TNIK: variants seen among roughly 807,000 people sequenced by gnomAD.
TNIK encodes the protein TRAF2 and NCK interacting kinase, also known as TRAF2 and NCK-interacting protein kinase.
In TNIK, 49 loss-of-function variants were observed where a neutral mutation model predicts 191.3. The ratio of observed to expected loss-of-function variants is 0.26; its 90% CI spans 0.20 to 0.32. The LOEUF (loss-of-function observed/expected upper bound fraction) is 0.32, where lower values mean the gene tolerates loss of function less well. Ranked by LOEUF, TNIK falls within the 10% of genes least tolerant of loss-of-function variation. The pLI, the probability that TNIK is intolerant of heterozygous loss-of-function variation, is 1.00. For synonymous variants in TNIK, 594 were observed against 600.9 expected (o/e 0.99, Z 0.17); for missense variants, 1,155 against 1,702.3 (o/e 0.68, Z 5.66).
At chr3:171,397,092 G>T (rs921357502) in intron 1 of TNIK, among the ~76,000 whole-genome samples, 2 of 152,204 alleles carry the variant, frequency 1.3e-5, no homozygotes, top group Non-Finnish European at 2.9e-5. Flanking sequence ...TTAAGGAGCA[G>T]AAGCTTCATC....
At chr3:171,180,891 T>C (rs1736570611) in intron 7 of TNIK, among the ~76,000 whole-genome samples, 1 of 152,250 alleles carries the variant, frequency 6.6e-6, no homozygotes, top group South Asian at 2.1e-4. Flanking sequence ...CATAGGTGAC[T>C]GAAGGTGCTG....
intron 1 of TNIK, among the ~76,000 whole-genome samples, chr3:171,402,519 C>T (rs1027153005): frequency 6.6e-6 from 1 of 152,154 alleles, no homozygotes; most frequent in African/African-American, 2.4e-5. Flanking sequence ...TTTCCAAAAC[C>T]AAGGGAAATA....
chr3:171,169,421 C>A (rs975648063), intron 9 of TNIK, among the ~76,000 whole-genome samples: 5 of 152,038 alleles, frequency 3.3e-5, no homozygotes, highest in African/African-American at 9.7e-5. Context: ...GTGTATGACA[C>A]CACACCTGGA....
chr3:171,230,813 C>T (rs1276455594), intron 2 of TNIK, among the ~76,000 whole-genome samples: 1 of 152,150 alleles, frequency 6.6e-6, no homozygotes, highest in African/African-American at 2.4e-5. Context: ...TAATATCCCT[C>T]TCTCCCTCTC....
chr3:171,059,038 T>C lies in TNIK; in HGVS notation c.*4843A>G, dbSNP rs975908780. Among the ~76,000 whole-genome samples, 3 of 152,154 alleles carry C rather than the reference T, an allele frequency of 2.0e-5. No individual in the cohort carries two copies. The highest frequency in any genetic ancestry group is 7.2e-5 in the African/African-American group (3 of 41,436). Reference sequence around the variant, plus strand: ...GATATTTACAGTGTACAAATAATGATCCATTGCCAGAAATGAAAACTCACC... The same window carrying C: ...GATATTTACAGTGTACAAATAATGACCCATTGCCAGAAATGAAAACTCACC... On this transcript the variant is annotated 3_prime_UTR_variant, in exon 33 of 33. Transcript: ENST00000436636.
chr3:171,309,980 C>T (rs979284923), intron 2 of TNIK, among the ~76,000 whole-genome samples: 3 of 152,110 alleles, frequency 2.0e-5, no homozygotes, highest in Admixed American at 6.6e-5. Flanking sequence ...AATCCTTTTT[C>T]TGAAATCCCA....
At chr3:171,113,280 G>A (rs1225209734) in intron 18 of TNIK, among the ~76,000 whole-genome samples, 1 of 151,608 alleles carries the variant, frequency 6.6e-6, no homozygotes, top group Non-Finnish European at 1.5e-5. Context: ...GGCTATTACC[G>A]ACGGGTAGAC....
At chr3:171,348,245 G>A (rs1406192196) in intron 2 of TNIK, among the ~76,000 whole-genome samples, 1 of 152,150 alleles carries the variant, frequency 6.6e-6, no homozygotes, top group African/African-American at 2.4e-5. Flanking sequence ...TATTACAGCA[G>A]CAGGAAACCA....
intron 27 of TNIK, 115 bp from the exon 28 acceptor site, chr3:171,079,767 A>G: frequency 8.1e-7 from 1 of 1,227,672 alleles, no homozygotes; most frequent in Non-Finnish European, 1.1e-6. Flanking sequence ...GTGTGTATGA[A>G]GGCATAATAA....
chr3:171,196,525 A>G (rs1358927838), intron 4 of TNIK, among the ~76,000 whole-genome samples: 1 of 152,194 alleles, frequency 6.6e-6, no homozygotes, highest in African/African-American at 2.4e-5. Context: ...GATACAATCA[A>G]CAAAATCTAG....
At chr3:171,227,589 C>T (rs1385599787) in intron 3 of TNIK, among the ~76,000 whole-genome samples, 2 of 152,122 alleles carry the variant, frequency 1.3e-5, no homozygotes, top group African/African-American at 4.8e-5. Flanking sequence ...CTACATAAGG[C>T]AGTGTGTAGG....
At chr3:171,420,672 C>T (rs1205303960) in intron 1 of TNIK, among the ~76,000 whole-genome samples, 2 of 152,120 alleles carry the variant, frequency 1.3e-5, no homozygotes, top group African/African-American at 4.8e-5. Flanking sequence ...GTAGCAATAA[C>T]TAATAATAAA....
intron 5 of TNIK, among the ~76,000 whole-genome samples, chr3:171,191,905 T>G (rs575564882): frequency 6.6e-6 from 1 of 152,326 alleles, no homozygotes; most frequent in South Asian, 2.1e-4. Context: ...AGCAAATTAT[T>G]TTATGCTAAC....
In TNIK at chr3:171,101,667, G is replaced by A. The variant is rs770718080; in HGVS notation, c.2407-34C>T. 6 of 1,601,150 alleles carry A rather than the reference G, an allele frequency of 3.7e-6. No individual in the cohort carries two copies. In the South Asian group the frequency reaches 5.6e-5, roughly 15 times the overall value. ...GAAAAATTTGTTCAGCATATGAGTG[G>A]TAGATACGACCAAAGCTACATCTCT... On this transcript the variant is annotated intron_variant, in intron 21 of 32. Coordinates refer to ENST00000436636, the MANE Select transcript of TNIK (RefSeq NM_015028.4).
chr3:171,200,114 A>G (rs995750919), intron 4 of TNIK, among the ~76,000 whole-genome samples: 16 of 152,218 alleles, frequency 1.1e-4, no homozygotes, highest in African/African-American at 3.6e-4. Context: ...TTCCAGGGCA[A>G]TGGATCTTTT....
chr3:171,081,836 T>TA, intron 27 of TNIK, among the ~76,000 whole-genome samples: 1 of 152,156 alleles, frequency 6.6e-6, no homozygotes, highest in East Asian at 1.9e-4. Context: ...ATCAGTGGGC[T>TA]ATAAGCAAGA....
chr3:171,253,644 C>A lies in TNIK; in HGVS notation c.124-25423G>T, dbSNP rs539780184. Among the ~76,000 whole-genome samples, 4 of 123,372 alleles carry A rather than the reference C, an allele frequency of 3.2e-5. No individual in the cohort carries two copies. In the East Asian group the frequency reaches 1.1e-3, roughly 35 times the overall value. The allele number at this position is 123,372 out of a possible 152,430, so 80.9% of individuals were successfully genotyped here. ...AAATGTCACGGCTAGGAAGTTTAGG[C>A]TGCATGGACCATCAAGACCCTACAA... On this transcript the variant is annotated intron_variant, in intron 2 of 32. Transcript: ENST00000436636.
chr3:171,350,094 G>A (rs1400208754), intron 2 of TNIK, among the ~76,000 whole-genome samples: 1 of 152,104 alleles, frequency 6.6e-6, no homozygotes, highest in Admixed American at 6.5e-5. Flanking sequence ...TTTTGAGGAG[G>A]GTGAATGAGA....
In TNIK at chr3:171,201,797, G is replaced by A. The variant is rs950047518; in HGVS notation, c.307-7162C>T. Among the ~76,000 whole-genome samples, 8 of 151,736 alleles carry A rather than the reference G, an allele frequency of 5.3e-5. No individual in the cohort carries two copies. The East Asian group carries it at 1.4e-3, about 26-fold the overall frequency. On this transcript the variant is annotated intron_variant, in intron 4 of 32. Transcript: ENST00000436636. ...TTTACATTCATTTTTAAACTAGCAT[G>A]TACTATCTATCTATCTATATATAAA...
Sources: allele counts gnomAD v4.1 joint callset (sites outside exome capture counted in the v4.1 genomes callset), GRCh38; gene constraint gnomAD v4.1.1; transcripts MANE v1.5; gene names NCBI Gene and HGNC (gene_info 2026-07-23, HGNC 2026-07-21).